CUBN: variants seen among roughly 807,000 people sequenced by gnomAD.
The protein encoded by CUBN is cubilin, also known as 460 kDa receptor.
Under a neutral mutation model 405.3 loss-of-function variants are expected in CUBN, and 282 were observed. That is an observed-to-expected ratio of 0.70 (90% CI 0.63 to 0.77). CUBN has a LOEUF of 0.77. Ranked by LOEUF, CUBN falls within the 30% of genes least tolerant of loss-of-function variation. The pLI, the probability that CUBN is intolerant of heterozygous loss-of-function variation, is 0.00. For synonymous variants in CUBN, 1,684 were observed against 1,617.0 expected, an observed-to-expected ratio of 1.04 and a Z score of -0.99; for missense variants, 4,514 against 4,475.2, an observed-to-expected ratio of 1.01 and a Z score of -0.25.
chr10:17,020,643 G>A (rs1012060708), intron 27 of CUBN, among the ~76,000 whole-genome samples: 4 of 152,070 alleles, frequency 2.6e-5, no homozygotes, highest in Admixed American at 6.6e-5. Flanking sequence ...TTGTATATAT[G>A]TGTAATATAC....
chr10:16,968,130 A>G (rs1308885382), intron 31 of CUBN, among the ~76,000 whole-genome samples: 2 of 152,174 alleles, frequency 1.3e-5, no homozygotes, highest in East Asian at 1.9e-4. Context: ...CCAGAGTTCT[A>G]TTATTCCTGT....
At chr10:16,840,806 T>A in intron 61 of CUBN, 79 bp downstream of exon 61, 3 of 1,282,022 alleles carry the variant, frequency 2.3e-6, no homozygotes, top group South Asian at 2.4e-5. Flanking sequence ...GAAATTTCGA[T>A]ATAATAAGCA....
chr10:17,081,089 C>T (rs1429735865), intron 17 of CUBN, among the ~76,000 whole-genome samples: 1 of 152,118 alleles, frequency 6.6e-6, no homozygotes, highest in Non-Finnish European at 1.5e-5. Context: ...GGGTCAATAT[C>T]ATTCTTATCT....
intron 28 of CUBN, among the ~76,000 whole-genome samples, chr10:16,998,613 A>T (rs2131733593): frequency 6.6e-6 from 1 of 152,290 alleles, no homozygotes; most frequent in South Asian, 2.1e-4. Flanking sequence ...TTTCCCTGAT[A>T]ATTGAGGTGG....
At chr10:16,939,213 A>G (rs1029173782) in intron 37 of CUBN, 66 bp from the exon 38 acceptor site, 85 of 1,296,912 alleles carry the variant, frequency 6.6e-5, no homozygotes, top group Non-Finnish European at 9.2e-5. Context: ...AATGAAAAAA[A>G]CAAAAGGCAA....
intron 59 of CUBN, among the ~76,000 whole-genome samples, chr10:16,855,016 TTCTC>T (rs797018223): frequency 0.015 from 2,056 of 137,430 alleles, 77 homozygotes; most frequent in African/African-American, 0.054. Context: ...CTCTCTCTCT[TTCTC>T]TCTCTCTCTT....
intron 55 of CUBN, 85 bp from the exon 56 acceptor site, chr10:16,888,651 A>G: frequency 8.6e-7 from 1 of 1,159,740 alleles, no homozygotes; most frequent in Non-Finnish European, 1.3e-6. Context: ...ATTTTCCTAA[A>G]TTATCTATAG....
intron 21 of CUBN, among the ~76,000 whole-genome samples, chr10:17,066,829 C>T (rs1472567003): frequency 1.3e-5 from 2 of 152,052 alleles, no homozygotes; most frequent in Non-Finnish European, 2.9e-5. Context: ...ATTTCCATTT[C>T]CAACAGAAAT....
At chr10:16,830,506 A>C (rs1838954294) in intron 65 of CUBN, among the ~76,000 whole-genome samples, 1 of 152,200 alleles carries the variant, frequency 6.6e-6, no homozygotes, top group African/African-American at 2.4e-5. Flanking sequence ...AAATGTGAGA[A>C]GATACTTACT....
chr10:16,899,211 C>T, intron 53 of CUBN, 28 bp from the exon 54 acceptor site: 1 of 1,586,014 alleles, frequency 6.3e-7, no homozygotes, highest in African/African-American at 1.3e-5. Context: ...AAAAAGCCAT[C>T]AATCAGCAAG....
At chr10:17,122,262 A>C in intron 6 of CUBN, 1 of 213,164 alleles carries the variant, frequency 4.7e-6, no homozygotes, top group Non-Finnish European at 9.5e-6. Context: ...TGTACTGATA[A>C]TGATGACTGT....
Position 17,068,671 on chromosome 10 carries a change from T to TG in CUBN, c.2724dup (p.Thr909HisfsTer9). The TG allele has an allele frequency of 6.2e-7, 1 of 1,613,116 alleles. No individual in the cohort carries two copies. Among genetic ancestry groups the TG allele is most frequent in the Non-Finnish European group, 8.5e-7 (1 of 1,179,244 alleles). On this transcript the variant is annotated frameshift_variant, in exon 20 of 67. Transcript: ENST00000377833. LOFTEE classifies it high-confidence loss of function. ...TCAGTAGAAGAACTTTTCACGAATG[T>TG]GACATAAAGAAAATTGTACACAGAT...
intron 55 of CUBN, 84 bp downstream of exon 55, chr10:16,890,287 A>G (rs949359997): frequency 7.4e-7 from 1 of 1,349,038 alleles, no homozygotes. Flanking sequence ...CCTCCCCTAG[A>G]CCCCCAGGTT....
chr10:17,114,988 A>G (rs1588652481), intron 7 of CUBN, among the ~76,000 whole-genome samples: 2 of 152,322 alleles, frequency 1.3e-5, no homozygotes, highest in South Asian at 4.1e-4. Context: ...TCATGCCTGT[A>G]ATCGCAGCGC....
In CUBN at chr10:17,114,087, A is replaced by C; in HGVS notation, c.823T>G (p.Ser275Ala). ...DECSFQPGPC[S>A]TLVQCFNTQG... ...GTGTTGAAACACTGCACAAGTGTGG[A>C]GCAAGGCCCGGGCTGGAAGCTGCAC... The change falls in exon 8 of 67, where the codon TCC becomes GCC. Residue 275 changes from serine (S) to alanine (A), a missense_variant. Ser to Ala is a moderately conservative substitution (Grantham distance 99, BLOSUM62 1). This residue lies in a region of CUBN where 1,448 missense variants were observed against 1,388.0 expected (regional missense o/e 1.04). Transcript: ENST00000377833. The C allele has an allele frequency of 6.2e-7, 1 of 1,613,312 alleles. No individual in the cohort carries two copies. The highest frequency in any genetic ancestry group is 8.5e-7 in the Non-Finnish European group (1 of 1,179,716).
intron 50 of CUBN, 111 bp from the exon 51 acceptor site, chr10:16,904,226 C>A: frequency 9.8e-7 from 1 of 1,019,428 alleles, no homozygotes; most frequent in Non-Finnish European, 1.5e-6. Context: ...CACTTAAATT[C>A]TGATTTAGTA....
At chr10:16,863,244 C>T (rs1346003403) in intron 59 of CUBN, among the ~76,000 whole-genome samples, 5 of 152,182 alleles carry the variant, frequency 3.3e-5, no homozygotes, top group Admixed American at 3.3e-4. Flanking sequence ...GAAGTCTAAT[C>T]ACCAGTAAAA....
intron 34 of CUBN, among the ~76,000 whole-genome samples, chr10:16,949,434 G>GGTGTGTGTGTGTGTGTGTGTGT (rs59878960): frequency 9.2e-6 from 1 of 108,788 alleles, no homozygotes; most frequent in African/African-American, 3.5e-5. Flanking sequence ...TAAATGGCCT[G>GGTGTGTGTGTGTGTGTGTGTGT]GTGTGTGTGT....
intron 66 of CUBN, among the ~76,000 whole-genome samples, chr10:16,826,758 G>C (rs1359750264): frequency 6.6e-6 from 1 of 152,098 alleles, no homozygotes; most frequent in East Asian, 1.9e-4. Flanking sequence ...TACTTGTTCA[G>C]TATAAACCTG....
Sources: allele counts gnomAD v4.1 joint callset (sites outside exome capture counted in the v4.1 genomes callset), GRCh38; gene constraint gnomAD v4.1.1; regional missense constraint gnomAD v4.1.1; transcripts MANE v1.5; gene names NCBI Gene and HGNC (gene_info 2026-07-23, HGNC 2026-07-21).